AGAP3: variants seen among roughly 807,000 people sequenced by gnomAD.
The protein encoded by AGAP3 is ArfGAP with GTPase domain, ankyrin repeat and PH domain 3.
A neutral mutation model predicts 96.9 loss-of-function variants in AGAP3; 24 were observed. That is an observed-to-expected ratio of 0.25 (90% CI 0.18 to 0.35). AGAP3 has a LOEUF of 0.35. Among genes scored for constraint, AGAP3 ranks in the 10% least tolerant of loss-of-function variants. The pLI is 1.00. For synonymous variants in AGAP3, 563 were observed against 536.1 expected (o/e 1.05, Z -0.69); for missense variants, 876 against 1,254.2 (o/e 0.70, Z 4.55).
intron 1 of AGAP3, among the ~76,000 whole-genome samples, chr7:151,109,991 G>C (rs911720367): frequency 1.3e-5 from 2 of 152,246 alleles, no homozygotes; most frequent in Non-Finnish European, 2.9e-5. Flanking sequence ...TTTACAGACA[G>C]ACCTGAGGTT....
At chr7:151,115,615 C>T (rs983254194) in intron 1 of AGAP3, 6 of 1,167,156 alleles carry the variant, frequency 5.1e-6, no homozygotes, top group Non-Finnish European at 6.3e-6. Context: ...GCGGCTGCGG[C>T]CCCGGAGCTC....
intron 1 of AGAP3, among the ~76,000 whole-genome samples, chr7:151,099,660 C>T (rs1798757773): frequency 6.6e-6 from 1 of 152,192 alleles, no homozygotes; most frequent in Non-Finnish European, 1.5e-5. Flanking sequence ...CGGGGACTGG[C>T]ACCGGGACCG....
Position 151,128,565 on chromosome 7 carries a change from G to T in AGAP3, c.1222-15G>T. On this transcript the variant is annotated splice_polypyrimidine_tract_variant and intron_variant, in intron 9 of 17. Transcript: ENST00000397238. ...GGGGCTGGCTCCTGGTTTCTGATCAGACCTCTGTTCTCAGGGGATCCTGCT... is the reference window on the plus strand; with the variant it reads ...GGGGCTGGCTCCTGGTTTCTGATCATACCTCTGTTCTCAGGGGATCCTGCT... 1 of 1,612,432 alleles carries T rather than the reference G, an allele frequency of 6.2e-7. No homozygotes were observed. The highest frequency in any genetic ancestry group is 2.2e-5 in the East Asian group (1 of 44,874).
intron 8 of AGAP3, among the ~76,000 whole-genome samples, chr7:151,121,348 G>A (rs930505955): frequency 2.0e-5 from 3 of 151,298 alleles, no homozygotes; most frequent in African/African-American, 4.9e-5. Context: ...GCGTGGGGGG[G>A]GCCGCCTGCT....
chr7:151,126,373 AGCGGGGCGGG>A (rs1323687397), intron 9 of AGAP3, among the ~76,000 whole-genome samples: 1 of 56,260 alleles, frequency 1.8e-5, no homozygotes, highest in Non-Finnish European at 3.4e-5. Context: ...AGCAGAGCGG[AGCGGGGCGGG>A]GCGGGGCCGG....
rs1799128172 is a variant in AGAP3 at position 151,108,022 on chromosome 7, C to A, written c.332-8771C>A. Reference sequence around the variant, plus strand: ...GCACCGGCCCATGCGGGGGGTGCAGCACATGCTGGTCGCGTTCCTCTCCAG... The same window carrying A: ...GCACCGGCCCATGCGGGGGGTGCAGAACATGCTGGTCGCGTTCCTCTCCAG... On this transcript the variant is annotated intron_variant, in intron 1 of 17. Transcript: ENST00000397238. This position sits in a 1 kb window ranked among gnomAD's most constrained non-coding sequence, Gnocchi z 4.2. Among the ~76,000 whole-genome samples, 1 of 152,210 alleles carries A rather than the reference C, an allele frequency of 6.6e-6. No individual in the cohort carries two copies.
chr7:151,127,619 C>G (rs1054855844), intron 9 of AGAP3, among the ~76,000 whole-genome samples: 1 of 152,184 alleles, frequency 6.6e-6, no homozygotes, highest in South Asian at 2.1e-4. Flanking sequence ...TGGTCTCCAT[C>G]GTGGCGCTCC....
At chr7:151,106,601 C>T (rs1053248105) in intron 1 of AGAP3, among the ~76,000 whole-genome samples, 2 of 152,088 alleles carry the variant, frequency 1.3e-5, no homozygotes, top group African/African-American at 2.4e-5. Context: ...CCTCAGCCTC[C>T]GGAGTATCTG....
At chr7:151,123,506 C>G in intron 8 of AGAP3, 1 of 1,231,990 alleles carries the variant, frequency 8.1e-7, no homozygotes, top group African/African-American at 1.5e-5. Flanking sequence ...GCTTCTCTTA[C>G]GCCCCCGCCC....
intron 8 of AGAP3, among the ~76,000 whole-genome samples, chr7:151,121,413 C>T (rs62489623): frequency 1.9e-4 from 29 of 152,118 alleles, no homozygotes; most frequent in Non-Finnish European, 3.4e-4. Flanking sequence ...CCTCTGTCCA[C>T]GGTGCCTACT....
In AGAP3 at chr7:151,141,719, A is replaced by G. The variant is rs1800818863; in HGVS notation, c.1805-179A>G. 3.0e-6 allele frequency: 2 copies of G among 674,580 alleles called. No individual in the cohort carries two copies. The highest frequency in any genetic ancestry group is 5.1e-6 in the Non-Finnish European group (2 of 392,662). The allele number at this position is 674,580 out of a possible 1,614,324, so 41.8% of individuals were successfully genotyped here. ...AACTGGGAGCTCACACTAGTCTTGC[A>G]GGTTTACTCTGGCCTCCCCCTGCAA... On this transcript the variant is annotated intron_variant, in intron 13 of 17. Coordinates refer to ENST00000397238, the MANE Select transcript of AGAP3 (RefSeq NM_031946.7). This position sits in a 1 kb window ranked among gnomAD's most constrained non-coding sequence, Gnocchi z 4.2.
At chr7:151,117,256 G>C in intron 3 of AGAP3, 74 bp downstream of exon 3, 2 of 1,587,900 alleles carry the variant, frequency 1.3e-6, no homozygotes, top group Non-Finnish European at 1.7e-6. Context: ...GTCTGGGTGG[G>C]GGGTCTCCAG....
chr7:151,140,097 C>A lies in AGAP3; in HGVS notation c.1785C>A (p.Gly595=). The A allele has an allele frequency of 6.3e-7, 1 of 1,599,952 alleles. No individual in the cohort carries two copies. The part of the protein sequence containing the change: ...KKSTGTPRPD[G]PSSATEEAEE... ...GCACCGGGACCCCCCGACCAGACGGCCCCAGCAGTGCTACTGAAGGTTAGG... is the reference window on the plus strand; with the variant it reads ...GCACCGGGACCCCCCGACCAGACGGACCCAGCAGTGCTACTGAAGGTTAGG... The change falls in exon 13 of 18, where the codon GGC becomes GGA. Residue 595 remains glycine (G), a synonymous_variant. Transcript: ENST00000397238. This position sits in a 1 kb window ranked among gnomAD's most constrained non-coding sequence, Gnocchi z 5.4.
chr7:151,134,383 T>C lies in AGAP3; in HGVS notation c.1327-17T>C, dbSNP rs1479263799. The C allele has an allele frequency of 6.2e-7, 1 of 1,613,194 alleles. No homozygotes were observed. Among genetic ancestry groups the C allele is most frequent in the Non-Finnish European group, 8.5e-7 (1 of 1,179,686 alleles). Reference sequence around the variant, plus strand: ...CTGCTAACCAGTCTTCATCTGTCTCTCCCACCCGGCCTGCAGGATTACATG... The same window carrying C: ...CTGCTAACCAGTCTTCATCTGTCTCCCCCACCCGGCCTGCAGGATTACATG... On this transcript the variant is annotated splice_polypyrimidine_tract_variant and intron_variant, in intron 10 of 17. Transcript: ENST00000397238.
Position 151,143,657 on chromosome 7 carries a change from C to T in AGAP3, c.2529+61C>T, listed in dbSNP as rs1800909368. On this transcript the variant is annotated intron_variant, in intron 17 of 17. Transcript: ENST00000397238. The surrounding 1 kb of genome is among the most constrained non-coding windows in gnomAD (Gnocchi z 5.9). Reference sequence around the variant, plus strand: ...TCTTCTTAGCCTTGTTCTTTGAAAGCAACCTCTTCTTTCCTCCCCTACAAC... The same window carrying T: ...TCTTCTTAGCCTTGTTCTTTGAAAGTAACCTCTTCTTTCCTCCCCTACAAC... 5 of 1,603,902 alleles carry T rather than the reference C, an allele frequency of 3.1e-6. No individual in the cohort carries two copies. In the South Asian group the frequency reaches 5.6e-5, roughly 18 times the overall value.
chr7:151,124,028 C>T, intron 9 of AGAP3, 142 bp downstream of exon 9: 2 of 851,140 alleles, frequency 2.3e-6, no homozygotes, highest in Non-Finnish European at 3.6e-6. Context: ...GAGTCCTTAA[C>T]AAGGGACTGG....
In AGAP3 at chr7:151,096,523, A is replaced by G. The variant is rs532468329; in HGVS notation, c.331+9451A>G. On this transcript the variant is annotated intron_variant, in intron 1 of 17. Transcript: ENST00000397238. This position sits in a 1 kb window ranked among gnomAD's most constrained non-coding sequence, Gnocchi z 4.4. ...AGTCTCGCTCTGTCGCCCAGGCTGG[A>G]GTGCAGTGGCGCGATCTCGGCTCAC... 3.9e-4 allele frequency among the ~76,000 whole-genome samples: 59 copies of G among 150,054 alleles called. No homozygotes were observed. The highest frequency in any genetic ancestry group is 6.9e-4 in the Non-Finnish European group (47 of 67,670).
chr7:151,115,412 G>A (rs1158776189), intron 1 of AGAP3: 3 of 1,009,096 alleles, frequency 3.0e-6, no homozygotes, highest in Non-Finnish European at 3.6e-6. Flanking sequence ...CGCCGCGCGC[G>A]CGCACCCGTA....
At chr7:151,122,934 A>C (rs1585086857) in intron 8 of AGAP3, 1 of 1,443,402 alleles carries the variant, frequency 6.9e-7, no homozygotes, top group African/African-American at 1.4e-5. Flanking sequence ...AACTAACCCC[A>C]CCCCCAGGGA....
Sources: allele counts gnomAD v4.1 joint callset (sites outside exome capture counted in the v4.1 genomes callset), GRCh38; gene constraint gnomAD v4.1.1; non-coding constraint Gnocchi (gnomAD v3.1); transcripts MANE v1.5; gene names NCBI Gene and HGNC (gene_info 2026-07-23, HGNC 2026-07-21).